PCDH15: variants seen among roughly 807,000 people sequenced by gnomAD.
PCDH15 encodes the protein protocadherin-15.
A neutral mutation model predicts 178.5 loss-of-function variants in PCDH15; 129 were observed. The ratio of observed to expected loss-of-function variants is 0.72; its 90% CI spans 0.63 to 0.84. The LOEUF is 0.84. PCDH15 is among the 40% of genes least tolerant of loss of function. The probability of loss-of-function intolerance (pLI) is 0.00; values close to 1 mark genes in which losing one functional copy is unlikely to be tolerated. For synonymous variants in PCDH15, 800 were observed against 732.0 expected, an observed-to-expected ratio of 1.09 and a Z score of -1.50; for missense variants, 2,230 against 2,099.9, an observed-to-expected ratio of 1.06 and a Z score of -1.21.
chr10:54,764,395 C>A (rs1307820416), intron 1 of PCDH15, among the ~76,000 whole-genome samples: 1 of 152,010 alleles, frequency 6.6e-6, no homozygotes, highest in Non-Finnish European at 1.5e-5. Flanking sequence ...CACTGTTATG[C>A]AAAGGTGTGC....
At chr10:54,105,283 T>G (rs1436343886) in intron 15 of PCDH15, among the ~76,000 whole-genome samples, 5 of 24,992 alleles carry the variant, frequency 2.0e-4, no homozygotes, top group East Asian at 2.3e-3. Flanking sequence ...TGGAGATATA[T>G]ATATATATAT....
chr10:55,008,488 C>T (rs1017026345), intron 2 of PCDH15, among the ~76,000 whole-genome samples: 8 of 152,152 alleles, frequency 5.3e-5, no homozygotes, highest in Admixed American at 1.3e-4. Context: ...ATCCTCTACA[C>T]GCCTCTGTTC....
chr10:54,381,994 A>G (rs1156402690), intron 3 of PCDH15, among the ~76,000 whole-genome samples: 10 of 152,132 alleles, frequency 6.6e-5, no homozygotes, highest in South Asian at 2.1e-4. Context: ...CTATAATACT[A>G]TATGTATGTT....
At chr10:54,444,599 G>T (rs1289550845) in intron 3 of PCDH15, among the ~76,000 whole-genome samples, 1 of 151,608 alleles carries the variant, frequency 6.6e-6, no homozygotes, top group Non-Finnish European at 1.5e-5. Flanking sequence ...GTACCTGACA[G>T]ACTGACCTAA....
At chr10:55,413,559 A>G (rs1565113573) in intron 2 of PCDH15, among the ~76,000 whole-genome samples, 1 of 151,814 alleles carries the variant, frequency 6.6e-6, no homozygotes, top group East Asian at 1.9e-4. Context: ...TTGGATTTAT[A>G]TATCTATCTA....
chr10:53,998,935 C>T (rs1320068783), intron 20 of PCDH15, among the ~76,000 whole-genome samples: 1 of 151,404 alleles, frequency 6.6e-6, no homozygotes, highest in Non-Finnish European at 1.5e-5. Flanking sequence ...ACCTGTAATC[C>T]CAGCTACTCG....
chr10:54,493,384 C>T (rs2079794310), intron 3 of PCDH15, among the ~76,000 whole-genome samples: 1 of 152,042 alleles, frequency 6.6e-6, no homozygotes, highest in Non-Finnish European at 1.5e-5. Context: ...GTGAAACCAG[C>T]ATTTTACATC....
At chr10:55,188,518 C>A (rs1591976146) in intron 1 of PCDH15, among the ~76,000 whole-genome samples, 1 of 151,860 alleles carries the variant, frequency 6.6e-6, no homozygotes, top group Admixed American at 6.6e-5. Flanking sequence ...TGTCATTTAA[C>A]AGACCCTCAC....
At chr10:55,126,167 T>G (rs1857450) in intron 2 of PCDH15, among the ~76,000 whole-genome samples, 4,289 of 152,090 alleles carry the variant, frequency 0.028, 230 homozygotes, top group East Asian at 0.15. Flanking sequence ...TATCTTGACT[T>G]CCTCTTATTC....
intron 2 of PCDH15, among the ~76,000 whole-genome samples, chr10:55,100,396 G>A (rs886176511): frequency 7.2e-5 from 11 of 151,924 alleles, no homozygotes; most frequent in South Asian, 2.1e-4. Context: ...AGTTAGCACC[G>A]TACTCTTGAA....
chr10:54,955,895 T>C (rs1242795601), intron 2 of PCDH15, among the ~76,000 whole-genome samples: 3 of 151,340 alleles, frequency 2.0e-5, no homozygotes, highest in Non-Finnish European at 3.0e-5. Context: ...TGAAAACCTC[T>C]AGCCACTTAC....
chr10:53,873,357 C>T (rs1303468128), intron 26 of PCDH15, among the ~76,000 whole-genome samples: 4 of 152,224 alleles, frequency 2.6e-5, no homozygotes, highest in Admixed American at 1.3e-4. Context: ...GCTGTTGCTG[C>T]TTCCGCTGTT....
chr10:54,520,266 G>C (rs558985963), intron 3 of PCDH15, among the ~76,000 whole-genome samples: 4 of 152,150 alleles, frequency 2.6e-5, no homozygotes, highest in Non-Finnish European at 4.4e-5. Flanking sequence ...TACCATCAGA[G>C]TGACCAGGCA....
intron 3 of PCDH15, among the ~76,000 whole-genome samples, chr10:54,490,554 A>G (rs1036630097): frequency 1.3e-5 from 2 of 152,070 alleles, no homozygotes; most frequent in South Asian, 4.1e-4. Flanking sequence ...ATCATATGAT[A>G]TGTCCTCAAG....
intron 2 of PCDH15, among the ~76,000 whole-genome samples, chr10:55,481,553 C>G (rs1160024336): frequency 6.6e-6 from 1 of 151,776 alleles, no homozygotes; most frequent in East Asian, 1.9e-4. Context: ...TCATTAGTTT[C>G]AAAGAAATTC....
chr10:54,677,054 C>T (rs555694633), intron 1 of PCDH15, among the ~76,000 whole-genome samples: 25 of 152,216 alleles, frequency 1.6e-4, no homozygotes, highest in African/African-American at 5.5e-4. Flanking sequence ...GTTGCCCACA[C>T]CAATCAACTC....
In PCDH15 at chr10:54,153,135, G is replaced by C. The variant is rs942795921; in HGVS notation, c.1749C>G (p.Val583=). The C allele has an allele frequency of 6.2e-7, 1 of 1,613,664 alleles. No homozygotes were observed. The highest frequency in any genetic ancestry group is 1.3e-5 in the African/African-American group (1 of 74,880). Residue 583 remains valine (V), a synonymous_variant, in exon 14 of 38, where the codon GTC becomes GTG. Coordinates refer to ENST00000644397, the MANE Select transcript of PCDH15 (RefSeq NM_001384140.1). ...CAGGAGGAGCATTATCCGCTGCTTG[G>C]ACCGTGAGTGCGTAAGTCCGCCCGA... ...MIVGRTYALT[V]QAADNAPPAE...
intron 1 of PCDH15, among the ~76,000 whole-genome samples, chr10:55,233,377 T>C (rs866213318): frequency 3.3e-5 from 5 of 152,162 alleles, no homozygotes; most frequent in Admixed American, 1.3e-4. Context: ...ATTAGATGCT[T>C]TACTGCTAAA....
chr10:55,521,772 T>C (rs546724186), intron 2 of PCDH15, among the ~76,000 whole-genome samples: 1 of 152,004 alleles, frequency 6.6e-6, no homozygotes, highest in African/African-American at 2.4e-5. Flanking sequence ...CTGAAAATAT[T>C]GTAAGTCAAA....
Sources: gnomAD v4.1 joint callset for allele counts (sites outside exome capture counted in the v4.1 genomes callset) on GRCh38, gnomAD v4.1.1 for gene constraint, MANE v1.5 for transcripts, NCBI Gene and HGNC (gene_info 2026-07-23, HGNC 2026-07-21) for gene names.